Variants in NPFFR1 observed in about 807,000 individuals in gnomAD.
NPFFR1 encodes neuropeptide FF receptor 1.
A neutral mutation model predicts 12.7 loss-of-function variants in NPFFR1; 17 were observed. The observed-to-expected ratio is 1.34, with a 90% CI of 0.92 to 2.01. The LOEUF (loss-of-function observed/expected upper bound fraction) is 2.01, where lower values mean the gene tolerates loss of function less well. Among genes scored for constraint, NPFFR1 ranks in the 30% most tolerant of loss-of-function variants. The pLI is 0.00. For missense variants in NPFFR1, 604 were observed against 606.5 expected (o/e 1.00, Z 0.04); for synonymous variants, 296 against 264.5 (o/e 1.12, Z -1.16).
chr10:70,279,818 G>T (rs971461458), intron 1 of NPFFR1, among the ~76,000 whole-genome samples: 2 of 152,206 alleles, frequency 1.3e-5, no homozygotes, highest in African/African-American at 4.8e-5. Context: ...ACCATGCTGT[G>T]CAATAGAATT....
At chr10:70,267,227 G>C (rs1840703237) in intron 1 of NPFFR1, among the ~76,000 whole-genome samples, 1 of 152,246 alleles carries the variant, frequency 6.6e-6, no homozygotes, top group Non-Finnish European at 1.5e-5. Flanking sequence ...CAGGGCTAAG[G>C]AGAAGAGGCA....
intron 1 of NPFFR1, among the ~76,000 whole-genome samples, chr10:70,282,621 T>C (rs1314461055): frequency 6.6e-6 from 1 of 152,222 alleles, no homozygotes; most frequent in Non-Finnish European, 1.5e-5. Context: ...AGCTGCCTCA[T>C]ACTGGCGTGT....
chr10:70,251,143 G>T lies in NPFFR1; in HGVS notation c.*3814C>A, dbSNP rs528698718. On this transcript the variant is annotated 3_prime_UTR_variant, in exon 4 of 4. Coordinates refer to ENST00000277942, the MANE Select transcript of NPFFR1 (RefSeq NM_022146.5). Reference sequence around the variant, plus strand: ...CATTGTAATGAAGCCCATTTAGACCGCCTCCTTCTCATCTATCTTTCATCA... The same window carrying T: ...CATTGTAATGAAGCCCATTTAGACCTCCTCCTTCTCATCTATCTTTCATCA... 5.9e-5 allele frequency: 9 copies of T among 152,314 alleles called. No homozygotes were observed. The highest frequency in any genetic ancestry group is 2.2e-4 in the African/African-American group (9 of 41,566). 9.4% of individuals were successfully genotyped at this position (152,314 alleles called of 1,614,324 possible).
At chr10:70,278,908 C>G (rs1408266148) in intron 1 of NPFFR1, among the ~76,000 whole-genome samples, 1 of 152,082 alleles carries the variant, frequency 6.6e-6, no homozygotes, top group African/African-American at 2.4e-5. Flanking sequence ...TGAACAGTTG[C>G]TCCAAATGGT....
chr10:70,256,163 T>A (rs1467884324), intron 3 of NPFFR1, among the ~76,000 whole-genome samples: 1 of 149,032 alleles, frequency 6.7e-6, no homozygotes, highest in East Asian at 2.0e-4. Context: ...AGTCTCCACC[T>A]CCCGGGCTCA....
At chr10:70,269,660 T>C (rs922483645) in intron 1 of NPFFR1, among the ~76,000 whole-genome samples, 5 of 152,158 alleles carry the variant, frequency 3.3e-5, no homozygotes, top group Middle Eastern at 3.4e-3. Context: ...TACAGGTGCA[T>C]GCCACCACAC....
intron 1 of NPFFR1, among the ~76,000 whole-genome samples, chr10:70,278,997 A>AC (rs1267825223): frequency 6.6e-6 from 1 of 152,242 alleles, no homozygotes; most frequent in Non-Finnish European, 1.5e-5. Flanking sequence ...TTATAATTAT[A>AC]TAAATTTTTG....
chr10:70,270,264 T>TGCAG (rs905260408), intron 1 of NPFFR1, among the ~76,000 whole-genome samples: 3 of 152,222 alleles, frequency 2.0e-5, no homozygotes, highest in Non-Finnish European at 4.4e-5. Context: ...AGGGTCCTGC[T>TGCAG]GCAGGCAGGC....
chr10:70,255,401 C>T lies in NPFFR1; in HGVS notation c.849G>A (p.Trp283Ter). ...VMVALFFTLS[W>*]LPLWALLLLI... is the part of the protein sequence containing the mutation. ...GCAGCAGCAGCGCCCAGAGCGGCAG[C>T]CAGGACAGCGTGAAGAACAGCGCCA... is the stretch of plus-strand genomic sequence containing the variant. The change falls in exon 4 of 4, where the codon TGG becomes TGA. Residue 283 changes from tryptophan (W) to a stop codon, truncating the protein, a stop_gained. Transcript: ENST00000277942. LOFTEE classifies it low-confidence loss of function (END_TRUNC). This position sits in a 1 kb window ranked among gnomAD's most constrained non-coding sequence, Gnocchi z 4.2. The T allele has an allele frequency of 6.5e-7, 1 of 1,546,682 alleles. No homozygotes were observed.
At chr10:70,256,040 A>G (rs1481268693) in intron 3 of NPFFR1, among the ~76,000 whole-genome samples, 1 of 151,540 alleles carries the variant, frequency 6.6e-6, no homozygotes, top group African/African-American at 2.4e-5. Context: ...TGTGGGAACA[A>G]TGAATCCTGT....
intron 1 of NPFFR1, among the ~76,000 whole-genome samples, chr10:70,274,010 C>A (rs1840775858): frequency 6.6e-6 from 1 of 152,142 alleles, no homozygotes; most frequent in Admixed American, 6.5e-5. Flanking sequence ...ACCTCCCTCC[C>A]CAACACCATC....
intron 1 of NPFFR1, among the ~76,000 whole-genome samples, chr10:70,278,982 A>G (rs1223025961): frequency 1.3e-5 from 2 of 152,206 alleles, no homozygotes; most frequent in African/African-American, 4.8e-5. Flanking sequence ...TTGCAAATTG[A>G]CAATTTATAA....
intron 1 of NPFFR1, among the ~76,000 whole-genome samples, chr10:70,282,176 T>C (rs997989997): frequency 6.6e-6 from 1 of 152,182 alleles, no homozygotes; most frequent in Non-Finnish European, 1.5e-5. Flanking sequence ...TGTAGGTAAC[T>C]TGATGTCTTC....
At chr10:70,279,019 G>A (rs977143934) in intron 1 of NPFFR1, among the ~76,000 whole-genome samples, 5 of 152,102 alleles carry the variant, frequency 3.3e-5, no homozygotes, top group African/African-American at 4.8e-5. Flanking sequence ...GATAAAAAGC[G>A]ATGGTATAAT....
At position 70,248,479 on chromosome 10, in the gene NPFFR1, T is replaced by G. The variant is rs556649556; in HGVS notation, c.*6478A>C. ...TACTATGCCTGGCGTTTTTTTTTTG[T>G]TTTTTGTTTTTTTTTTTTTTTTTTG... On this transcript the variant is annotated 3_prime_UTR_variant, in exon 4 of 4. Transcript: ENST00000277942. The G allele has an allele frequency of 3.7e-4, 13 of 35,324 alleles. No homozygotes were observed. Among genetic ancestry groups the G allele is most frequent in the African/African-American group, 4.8e-4 (6 of 12,374 alleles). 2.2% of individuals were successfully genotyped at this position (35,324 alleles called of 1,614,324 possible). A position where few individuals can be genotyped will look rare whatever the true frequency, so the allele number is the denominator to read the frequency against.
intron 1 of NPFFR1, among the ~76,000 whole-genome samples, chr10:70,277,371 A>T (rs1840814880): frequency 6.6e-6 from 1 of 152,328 alleles, no homozygotes; most frequent in East Asian, 1.9e-4. Flanking sequence ...CATCTATTAA[A>T]TGGGGGTCTT....
At chr10:70,269,075 C>T (rs1840725231) in intron 1 of NPFFR1, among the ~76,000 whole-genome samples, 1 of 152,142 alleles carries the variant, frequency 6.6e-6, no homozygotes, top group African/African-American at 2.4e-5. Flanking sequence ...CTTCTGCAGG[C>T]TGGATTTTTC....
At position 70,283,930 on chromosome 10, in the gene NPFFR1, C is replaced by T. The variant is rs1024938938; in HGVS notation, c.-254G>A. ...CGCTGCTGCCCGCAGGGCTCAGCCG[C>T]CCGCCGCCCCTCGCCTCCCGACCAG... On this transcript the variant is annotated 5_prime_UTR_variant, in exon 1 of 4. Coordinates refer to ENST00000277942, the MANE Select transcript of NPFFR1 (RefSeq NM_022146.5). 6.6e-6 allele frequency among the ~76,000 whole-genome samples: 1 copy of T among 152,202 alleles called. No individual in the cohort carries two copies. Among genetic ancestry groups the T allele is most frequent in the African/African-American group, 2.4e-5 (1 of 41,460 alleles).
intron 1 of NPFFR1, among the ~76,000 whole-genome samples, chr10:70,278,481 C>T (rs1224009491): frequency 6.6e-6 from 1 of 152,120 alleles, no homozygotes; most frequent in East Asian, 1.9e-4. Context: ...TAAATCTTGA[C>T]TTTATTGCCT....
Sources: allele counts gnomAD v4.1 joint callset (sites outside exome capture counted in the v4.1 genomes callset), GRCh38; gene constraint gnomAD v4.1.1; non-coding constraint Gnocchi (gnomAD v3.1); transcripts MANE v1.5; gene names NCBI Gene and HGNC (gene_info 2026-07-23, HGNC 2026-07-21).